SYNE2: variants seen among roughly 807,000 people sequenced by gnomAD.
SYNE2 encodes nesprin-2.
In SYNE2, 431 loss-of-function variants were observed where a neutral mutation model predicts 856.3. The ratio of observed to expected loss-of-function variants is 0.50; its 90% confidence interval spans 0.47 to 0.55. The LOEUF is 0.55. SYNE2 is among the 20% of genes least tolerant of loss of function. The pLI, the probability that SYNE2 is intolerant of heterozygous loss-of-function variation, is 0.00. For missense variants in SYNE2, 8,129 were observed against 8,023.2 expected, an observed-to-expected ratio of 1.01 and a Z score of -0.50; for synonymous variants, 2,923 against 2,872.3, an observed-to-expected ratio of 1.02 and a Z score of -0.56.
intron 56 of SYNE2, 117 bp downstream of exon 56, chr14:64,080,755 A>G (rs981287500): frequency 1.6e-5 from 21 of 1,293,228 alleles, no homozygotes; most frequent in Non-Finnish European, 2.2e-5. Flanking sequence ...TTGGACTTGA[A>G]GCTGGGGCCA....
At chr14:63,862,692 C>T (rs1385325330) in intron 1 of SYNE2, among the ~76,000 whole-genome samples, 1 of 151,982 alleles carries the variant, frequency 6.6e-6, no homozygotes, top group African/African-American at 2.4e-5. Context: ...AATTGTTGCA[C>T]TTGAAGGGGA....
chr14:63,788,783 A>G (rs1887633248), intron 1 of SYNE2, among the ~76,000 whole-genome samples: 1 of 152,260 alleles, frequency 6.6e-6, no homozygotes, highest in Admixed American at 6.5e-5. Context: ...TAGTACAGCC[A>G]CTATGTAAAA....
At chr14:64,162,910 G>T (rs909078471) in intron 88 of SYNE2, 1 of 185,198 alleles carries the variant, frequency 5.4e-6, no homozygotes, top group Non-Finnish European at 1.1e-5. Flanking sequence ...TTCTACCTGA[G>T]CTGATAATTT....
intron 1 of SYNE2, among the ~76,000 whole-genome samples, chr14:63,876,784 C>T (rs2094733053): frequency 6.6e-6 from 1 of 152,170 alleles, no homozygotes; most frequent in Admixed American, 6.5e-5. Context: ...CTGCGCCTGG[C>T]CCCCAAATAT....
intron 1 of SYNE2, among the ~76,000 whole-genome samples, chr14:63,829,502 A>G (rs1007098464): frequency 1.3e-5 from 2 of 152,216 alleles, no homozygotes; most frequent in Non-Finnish European, 2.9e-5. Context: ...TGCTCCAGCA[A>G]TTCCACTCCT....
chr14:63,881,478 G>C (rs922288816), intron 1 of SYNE2, among the ~76,000 whole-genome samples: 13 of 151,658 alleles, frequency 8.6e-5, no homozygotes, highest in African/African-American at 3.1e-4. Context: ...GTGAGACCCT[G>C]TCTCTACAAT....
intron 2 of SYNE2, among the ~76,000 whole-genome samples, chr14:63,927,548 A>T (rs1432090885): frequency 6.6e-6 from 1 of 152,096 alleles, no homozygotes; most frequent in East Asian, 1.9e-4. Flanking sequence ...ATGTTTTTAT[A>T]AGGAGTTTCA....
intron 1 of SYNE2, among the ~76,000 whole-genome samples, chr14:63,879,966 C>G (rs976386311): frequency 6.6e-6 from 1 of 152,144 alleles, no homozygotes; most frequent in African/African-American, 2.4e-5. Context: ...CTTAAGAAAA[C>G]ATTTTCTTCT....
intron 14 of SYNE2, among the ~76,000 whole-genome samples, chr14:63,979,536 C>A (rs1207588514): frequency 6.6e-6 from 1 of 152,216 alleles, no homozygotes; most frequent in African/African-American, 2.4e-5. Flanking sequence ...GTGTTCACAT[C>A]TAAGTTAAAA....
Position 64,159,380 on chromosome 14 carries a change from C to T in SYNE2, c.16032C>T (p.Leu5344=), listed in dbSNP as rs2098310836. The change falls in exon 87 of 116, where the codon CTC becomes CTT. Residue 5344 remains leucine (L), a synonymous_variant. Transcript: ENST00000555002. ...AACTCCAGGAGGTTATCGGCAAACT[C>T]AAAGGTCTCTGCCCCTCTGTTGCTG... The part of the protein sequence containing the change: ...WEKLQEVIGK[L]KGLCPSVAEI... 6 of 1,613,964 alleles carry T rather than the reference C, an allele frequency of 3.7e-6. No individual in the cohort carries two copies. In the South Asian group the frequency reaches 4.4e-5, roughly 12 times the overall value.
At chr14:63,794,712 T>C (rs961135351) in intron 1 of SYNE2, among the ~76,000 whole-genome samples, 1 of 152,076 alleles carries the variant, frequency 6.6e-6, no homozygotes, top group African/African-American at 2.4e-5. Flanking sequence ...AATAAAAATA[T>C]AACTACACAC....
At chr14:64,183,073 C>T (rs1213615386) in intron 96 of SYNE2, among the ~76,000 whole-genome samples, 4 of 151,354 alleles carry the variant, frequency 2.6e-5, no homozygotes, top group Admixed American at 1.3e-4. Flanking sequence ...CTCCTCACTT[C>T]CCGGACGGGG....
chr14:63,802,648 C>A (rs1239556176), intron 1 of SYNE2, among the ~76,000 whole-genome samples: 1 of 152,214 alleles, frequency 6.6e-6, no homozygotes, highest in African/African-American at 2.4e-5. Flanking sequence ...TCACTGACTT[C>A]AAGAATGAAG....
chr14:63,806,680 G>A (rs1312968892), intron 1 of SYNE2, among the ~76,000 whole-genome samples: 1 of 151,940 alleles, frequency 6.6e-6, no homozygotes, highest in Non-Finnish European at 1.5e-5. Context: ...GTTCATAATA[G>A]TTTTTGAGGG....
intron 1 of SYNE2, among the ~76,000 whole-genome samples, chr14:63,897,661 G>A (rs150159312): frequency 1.4e-4 from 22 of 152,304 alleles, no homozygotes; most frequent in African/African-American, 4.8e-4. Context: ...AGCCGGTGCT[G>A]TTCTGGCCTC....
chr14:64,018,788 A>C (rs954880407), intron 34 of SYNE2, among the ~76,000 whole-genome samples: 3 of 152,232 alleles, frequency 2.0e-5, no homozygotes, highest in Non-Finnish European at 4.4e-5. Flanking sequence ...GAATTAAACA[A>C]TGCCTTATAA....
chr14:64,170,729 TG>T (rs549202871), intron 94 of SYNE2, among the ~76,000 whole-genome samples: 24 of 152,004 alleles, frequency 1.6e-4, no homozygotes, highest in Non-Finnish European at 2.6e-4. Flanking sequence ...GTGAATAAAT[TG>T]GGGGAGGTTT....
chr14:64,162,554 A>G, intron 88 of SYNE2: 2 of 466,198 alleles, frequency 4.3e-6, no homozygotes, highest in South Asian at 4.1e-5. Context: ...CAAAAGCTTC[A>G]TATGAAATCT....
chr14:63,958,774 C>CG (rs2096271553), intron 8 of SYNE2, among the ~76,000 whole-genome samples: 1 of 82,192 alleles, frequency 1.2e-5, no homozygotes, highest in Non-Finnish European at 2.8e-5. Flanking sequence ...CTGTTCTCCC[C>CG]CATTTACTTA....
Sources: gnomAD v4.1 joint callset for allele counts (sites outside exome capture counted in the v4.1 genomes callset) on GRCh38, gnomAD v4.1.1 for gene constraint, MANE v1.5 for transcripts, NCBI Gene and HGNC (gene_info 2026-07-23, HGNC 2026-07-21) for gene names.